SPATA13: variants seen among roughly 807,000 people sequenced by gnomAD.
SPATA13 encodes spermatogenesis-associated protein 13.
SPATA13 carries 50 observed loss-of-function variants against 104.0 expected under a neutral mutation model. The ratio of observed to expected loss-of-function variants is 0.48; its 90% CI spans 0.38 to 0.61. The LOEUF (loss-of-function observed/expected upper bound fraction) is 0.61, where lower values mean the gene tolerates loss of function less well. SPATA13 is among the 20% of genes least tolerant of loss of function. SPATA13 has a pLI of 0.00. For missense variants in SPATA13, 1,524 were observed against 1,690.6 expected, an observed-to-expected ratio of 0.90 and a Z score of 1.73; for synonymous variants, 606 against 667.5, an observed-to-expected ratio of 0.91 and a Z score of 1.42.
chr13:24,053,969 A>C (rs1347366058), intron 3 of SPATA13, among the ~76,000 whole-genome samples: 1 of 152,200 alleles, frequency 6.6e-6, no homozygotes, highest in Non-Finnish European at 1.5e-5. Context: ...GAGTCTGTAA[A>C]AATGAGAGAG....
intron 3 of SPATA13, among the ~76,000 whole-genome samples, chr13:24,105,912 G>C (rs934584539): frequency 6.6e-6 from 1 of 152,210 alleles, no homozygotes; most frequent in Non-Finnish European, 1.5e-5. Flanking sequence ...TGTAAGCCAA[G>C]GAGGGAGGCC....
intron 3 of SPATA13, among the ~76,000 whole-genome samples, chr13:24,068,934 A>G (rs776234427): frequency 1.3e-5 from 2 of 152,096 alleles, no homozygotes; most frequent in Non-Finnish European, 2.9e-5. Context: ...CATATTTGTG[A>G]ATATTTTCTC....
chr13:24,223,092 A>C lies in SPATA13; in HGVS notation c.163A>C (p.Ser55Arg). 1 of 1,551,712 alleles carries C rather than the reference A, an allele frequency of 6.4e-7. No homozygotes were observed. The highest frequency in any genetic ancestry group is 8.7e-7 in the Non-Finnish European group (1 of 1,147,002). Residue 55 changes from serine to arginine, a missense_variant, in exon 2 of 13, where the codon AGC becomes CGC. Transcript: ENST00000382108. ...LACGNGVCGCSPGGDTDTQEA... is the reference protein window; with the variant it reads ...LACGNGVCGCRPGGDTDTQEA... ...GTGTGGAAATGGAGTCTGTGGCTGC[A>C]GCCCTGGTGGCGACACGGACACCCA...
chr13:24,114,558 A>G (rs1880769625), intron 3 of SPATA13, among the ~76,000 whole-genome samples: 1 of 149,158 alleles, frequency 6.7e-6, no homozygotes. Flanking sequence ...CAAGGCTGTC[A>G]TTTTTTTTTG....
At position 24,161,146 on chromosome 13, in the gene SPATA13, C is replaced by T. The variant is rs1166973885; in HGVS notation, c.-112+214C>T. Among the ~76,000 whole-genome samples the T allele has an allele frequency of 6.6e-6, 1 of 152,202 alleles. No individual in the cohort carries two copies. Among genetic ancestry groups the T allele is most frequent in the African/African-American group, 2.4e-5 (1 of 41,470 alleles). ...CGCTCCCTGCCCGGCGGTGGCTCTGCGCCCTCTGGGCCACCCGGCACCATC... is the reference window on the plus strand; with the variant it reads ...CGCTCCCTGCCCGGCGGTGGCTCTGTGCCCTCTGGGCCACCCGGCACCATC... On this transcript the variant is annotated intron_variant, in intron 1 of 12. Transcript: ENST00000382108. This position sits in a 1 kb window ranked among gnomAD's most constrained non-coding sequence, Gnocchi z 4.5.
chr13:24,027,729 A>G (rs1877293673), intron 3 of SPATA13, among the ~76,000 whole-genome samples: 1 of 152,148 alleles, frequency 6.6e-6, no homozygotes, highest in Non-Finnish European at 1.5e-5. Context: ...TCTGTGCCTT[A>G]GTTTCATATA....
At chr13:24,243,446 C>G (rs146391510) in intron 2 of SPATA13, among the ~76,000 whole-genome samples, 1 of 152,170 alleles carries the variant, frequency 6.6e-6, no homozygotes, top group African/African-American at 2.4e-5. Context: ...TTCTGTTTTC[C>G]TTCTGTAAAA....
At chr13:24,105,137 C>A (rs1182068845) in intron 3 of SPATA13, among the ~76,000 whole-genome samples, 1 of 151,540 alleles carries the variant, frequency 6.6e-6, no homozygotes, top group Non-Finnish European at 1.5e-5. Flanking sequence ...TGTTTTGTTT[C>A]TGTGAGACAG....
intron 7 of SPATA13, 58 bp from the exon 8 acceptor site, chr13:24,288,941 C>T: frequency 6.8e-7 from 1 of 1,468,222 alleles, no homozygotes; most frequent in Non-Finnish European, 9.2e-7. Context: ...AAAAGCTGTA[C>T]TATTCAAATA....
chr13:24,127,414 C>G (rs1881254410), intron 3 of SPATA13, among the ~76,000 whole-genome samples: 2 of 152,202 alleles, frequency 1.3e-5, no homozygotes, highest in Admixed American at 1.3e-4. Context: ...TGCCTGGGCT[C>G]CCTCCCCATT....
intron 1 of SPATA13, among the ~76,000 whole-genome samples, chr13:24,200,060 T>A (rs1870310427): frequency 6.6e-6 from 1 of 152,208 alleles, no homozygotes; most frequent in African/African-American, 2.4e-5. Flanking sequence ...TCTTGGTTGG[T>A]CAGTGATCAA....
rs183269548 is a variant in SPATA13, at chr13:24,221,308, T to C, written c.-111-1511T>C. On this transcript the variant is annotated intron_variant, in intron 1 of 12. Coordinates refer to ENST00000382108, the MANE Select transcript of SPATA13 (RefSeq NM_001166271.3). ...AGTGACGTTATGTTTTCCAAGACCT[T>C]AGGGCAGAGGCCTGACATATAGTAA... Among the ~76,000 whole-genome samples, 44 of 152,330 alleles carry C rather than the reference T, an allele frequency of 2.9e-4. No individual in the cohort carries two copies. The East Asian group carries it at 6.4e-3, about 22-fold the overall frequency.
At chr13:24,001,132 C>G (rs1304777795) in intron 2 of SPATA13, among the ~76,000 whole-genome samples, 1 of 152,176 alleles carries the variant, frequency 6.6e-6, no homozygotes, top group Non-Finnish European at 1.5e-5. Context: ...TCTACTCTCA[C>G]CCCCTACTCT....
At chr13:24,135,999 T>G (rs1881553222) in intron 3 of SPATA13, among the ~76,000 whole-genome samples, 2 of 152,232 alleles carry the variant, frequency 1.3e-5, no homozygotes. Context: ...AGTGTTCACT[T>G]TCCTGAGCAG....
At chr13:24,236,956 A>T (rs1322378206) in intron 2 of SPATA13, among the ~76,000 whole-genome samples, 1 of 152,236 alleles carries the variant, frequency 6.6e-6, no homozygotes, top group Non-Finnish European at 1.5e-5. Context: ...TCATAGCAGC[A>T]CTATTCATAA....
chr13:24,207,858 G>T (rs1209826573), intron 1 of SPATA13, among the ~76,000 whole-genome samples: 1 of 152,194 alleles, frequency 6.6e-6, no homozygotes, highest in African/African-American at 2.4e-5. Flanking sequence ...TGGTGTAGGT[G>T]GTGGCCCTGT....
chr13:24,120,054 C>A (rs1361285041), intron 3 of SPATA13, among the ~76,000 whole-genome samples: 5 of 152,258 alleles, frequency 3.3e-5, no homozygotes, highest in African/African-American at 9.6e-5. Context: ...TTCCATTGAT[C>A]TGTTTATTTC....
intron 4 of SPATA13, among the ~76,000 whole-genome samples, chr13:24,279,715 CTG>C (rs1566188948): frequency 6.6e-6 from 1 of 152,186 alleles, no homozygotes; most frequent in African/African-American, 2.4e-5. Context: ...GATGGGAAAA[CTG>C]AAGCTCAAAG....
At chr13:24,119,642 G>A (rs935409368) in intron 3 of SPATA13, among the ~76,000 whole-genome samples, 2 of 152,156 alleles carry the variant, frequency 1.3e-5, no homozygotes, top group Admixed American at 6.5e-5. Context: ...GAACAGCAGA[G>A]CCCCTTTGCA....
Sources: allele counts gnomAD v4.1 joint callset (sites outside exome capture counted in the v4.1 genomes callset), GRCh38; gene constraint gnomAD v4.1.1; non-coding constraint Gnocchi (gnomAD v3.1); transcripts MANE v1.5; gene names NCBI Gene and HGNC (gene_info 2026-07-23, HGNC 2026-07-21).